COL27A1: variants seen among roughly 807,000 people sequenced by gnomAD.
COL27A1 encodes collagen type XXVII alpha 1 chain.
COL27A1 carries 106 observed loss-of-function variants against 251.3 expected under a neutral mutation model. The ratio of observed to expected loss-of-function variants is 0.42; its 90% CI spans 0.36 to 0.50. COL27A1 has a LOEUF of 0.50. Among genes scored for constraint, COL27A1 ranks in the 20% least tolerant of loss-of-function variants. The pLI, the probability that COL27A1 is intolerant of heterozygous loss-of-function variation, is 0.00. For synonymous variants in COL27A1, 1,000 were observed against 986.3 expected (o/e 1.01, Z -0.26); for missense variants, 2,325 against 2,522.8 (o/e 0.92, Z 1.68).
intron 57 of COL27A1, chr9:114,306,292 C>T (rs528463869): frequency 5.9e-6 from 3 of 512,474 alleles, no homozygotes; most frequent in Admixed American, 3.4e-5. Flanking sequence ...ATGGTCTGAC[C>T]CTGAGCTCTT....
At chr9:114,262,938 A>T (rs1470576043) in intron 28 of COL27A1, among the ~76,000 whole-genome samples, 58 of 127,038 alleles carry the variant, frequency 4.6e-4, no homozygotes, top group Admixed American at 5.8e-4. Context: ...TCCTTGTTTG[A>T]TTTTTTTTTT....
chr9:114,234,499 G>A (rs1832214945), intron 16 of COL27A1, among the ~76,000 whole-genome samples: 1 of 152,070 alleles, frequency 6.6e-6, no homozygotes, highest in African/African-American at 2.4e-5. Context: ...AATGTCCAAC[G>A]TGGAGGGCTG....
intron 37 of COL27A1, among the ~76,000 whole-genome samples, chr9:114,281,857 C>T (rs1835931072): frequency 2.0e-5 from 3 of 152,150 alleles, no homozygotes. Flanking sequence ...TCATTGGGGC[C>T]TAATGTTCAA....
At chr9:114,169,671 G>A (rs1383834229) in intron 3 of COL27A1, among the ~76,000 whole-genome samples, 4 of 152,354 alleles carry the variant, frequency 2.6e-5, no homozygotes, top group East Asian at 3.9e-4. Context: ...TTCATGATCC[G>A]CTGGGACAGA....
intron 51 of COL27A1, among the ~76,000 whole-genome samples, 179 bp downstream of exon 51, chr9:114,300,866 C>T (rs1828570877): frequency 6.6e-6 from 1 of 152,228 alleles, no homozygotes; most frequent in African/African-American, 2.4e-5. Flanking sequence ...CCATCCTTCC[C>T]CGCTTTCACT....
At chr9:114,159,920 G>T (rs1848375412) in intron 1 of COL27A1, among the ~76,000 whole-genome samples, 2 of 152,234 alleles carry the variant, frequency 1.3e-5, no homozygotes, top group Non-Finnish European at 1.5e-5. Flanking sequence ...AGCAAGTCAT[G>T]CCAGAAAGGT....
At chr9:114,157,075 A>AACACACACACACAC (rs150446535) in intron 1 of COL27A1, among the ~76,000 whole-genome samples, 1 of 117,418 alleles carries the variant, frequency 8.5e-6, no homozygotes, top group African/African-American at 2.9e-5. Flanking sequence ...CCCTCACCAC[A>AACACACACACACAC]ACACACACAC....
intron 32 of COL27A1, among the ~76,000 whole-genome samples, chr9:114,265,958 G>T (rs1351854069): frequency 3.3e-5 from 5 of 152,324 alleles, no homozygotes; most frequent in South Asian, 2.1e-4. Flanking sequence ...CCATGGAAGG[G>T]CTTGAAGCAG....
intron 24 of COL27A1, among the ~76,000 whole-genome samples, chr9:114,248,568 G>A (rs964628927): frequency 4.6e-5 from 7 of 152,272 alleles, no homozygotes; most frequent in Middle Eastern, 3.4e-3. Context: ...AGCCATGCCC[G>A]CAGCTTTCCA....
At chr9:114,154,480 G>A (rs527907751), upstream of COL27A1, among the ~76,000 whole-genome samples, 68 of 152,186 alleles carry the variant, frequency 4.5e-4, no homozygotes, top group Admixed American at 7.2e-4. The surrounding 1 kb of genome is among the most constrained non-coding windows in gnomAD (Gnocchi z 5.8). Context: ...AGGAGTGAAT[G>A]CGTGTGTGCA....
chr9:114,291,617 C>T (rs1358984201), intron 48 of COL27A1, among the ~76,000 whole-genome samples: 2 of 152,164 alleles, frequency 1.3e-5, no homozygotes, highest in Admixed American at 1.3e-4. Context: ...GGCATGGTGG[C>T]AGGCACCTGT....
At chr9:114,205,601 C>T (rs1829897276) in intron 8 of COL27A1, among the ~76,000 whole-genome samples, 158 bp from the exon 9 acceptor site, 1 of 152,218 alleles carries the variant, frequency 6.6e-6, no homozygotes, top group South Asian at 2.1e-4. Context: ...ACCGGTTTCA[C>T]AGAGGGGTGG....
chr9:114,157,237 G>A (rs895017086), intron 1 of COL27A1, among the ~76,000 whole-genome samples: 2 of 152,232 alleles, frequency 1.3e-5, no homozygotes, highest in African/African-American at 4.8e-5. Flanking sequence ...CCAGCTGTGG[G>A]CAAGTGGGCA....
In COL27A1 at chr9:114,265,467, G is replaced by A. The variant is rs1443030161; in HGVS notation, c.3385G>A (p.Gly1129Arg). The change falls in exon 32 of 61, where the codon GGA becomes AGA. Residue 1129 changes from glycine to arginine, a missense_variant. Coordinates refer to ENST00000356083, the MANE Select transcript of COL27A1 (RefSeq NM_032888.4). ...SGPPGTKGLP[G>R]EPGPQGPQGP... Reference sequence around the variant, plus strand: ...CCCCCCAGGCACCAAGGGCCTCCCAGGAGAACCGGTAAGAGCCCTTTCCTT... The same window carrying A: ...CCCCCCAGGCACCAAGGGCCTCCCAAGAGAACCGGTAAGAGCCCTTTCCTT... 1 of 1,613,896 alleles carries A rather than the reference G, an allele frequency of 6.2e-7. No homozygotes were observed. Among genetic ancestry groups the A allele is most frequent in the East Asian group, 2.2e-5 (1 of 44,872 alleles).
chr9:114,204,675 G>A (rs111767298), intron 7 of COL27A1, among the ~76,000 whole-genome samples: 46 of 152,260 alleles, frequency 3.0e-4, no homozygotes, highest in African/African-American at 9.1e-4. Flanking sequence ...CCAGCATCCC[G>A]TGTGACGTGG....
chr9:114,210,996 T>A lies in COL27A1; in HGVS notation c.2337T>A (p.Val779=), dbSNP rs1013679868. The A allele has an allele frequency of 1.2e-6, 2 of 1,614,082 alleles. No homozygotes were observed. Among genetic ancestry groups the A allele is most frequent in the Non-Finnish European group, 1.7e-6 (2 of 1,180,018 alleles). The change falls in exon 12 of 61, where the codon GTT becomes GTA. Residue 779 remains valine (V), a synonymous_variant. Coordinates refer to ENST00000356083, the MANE Select transcript of COL27A1 (RefSeq NM_032888.4). ...CTCCCCTGCAGGGCCTGCCTGGCGT[T>A]CCTGGCAAGAGGGGCAAGATGGGTA... is the stretch of plus-strand genomic sequence containing the variant. The part of the protein sequence containing the change: ...GSDGERGLPG[V]PGKRGKMGMP...
At chr9:114,185,884 G>A (rs1210210332) in intron 5 of COL27A1, among the ~76,000 whole-genome samples, 1 of 152,250 alleles carries the variant, frequency 6.6e-6, no homozygotes, top group Non-Finnish European at 1.5e-5. Flanking sequence ...ATGGCCTTGT[G>A]GGAAGACGAT....
intron 16 of COL27A1, among the ~76,000 whole-genome samples, chr9:114,232,095 C>T (rs1348301602): frequency 6.6e-6 from 1 of 152,134 alleles, no homozygotes; most frequent in Non-Finnish European, 1.5e-5. Flanking sequence ...GCAGGAGCAG[C>T]TGTTGCAGCA....
At chr9:114,302,732 A>AC (rs1564589271) in intron 56 of COL27A1, among the ~76,000 whole-genome samples, 2 of 151,840 alleles carry the variant, frequency 1.3e-5, no homozygotes, top group South Asian at 2.1e-4. Context: ...AAAACAAAAA[A>AC]AAAAAAAAAC....
Sources: gnomAD v4.1 joint callset for allele counts (sites outside exome capture counted in the v4.1 genomes callset) on GRCh38, gnomAD v4.1.1 for gene constraint, Gnocchi (gnomAD v3.1) non-coding constraint, MANE v1.5 for transcripts, NCBI Gene and HGNC (gene_info 2026-07-23, HGNC 2026-07-21) for gene names.